Variants in E2F5 observed in about 807,000 individuals in gnomAD.
The protein encoded by E2F5 is transcription factor E2F5.
Under a neutral mutation model 39.1 loss-of-function variants are expected in E2F5, and 23 were observed. The observed-to-expected ratio is 0.59, with a 90% CI of 0.42 to 0.83. The LOEUF (loss-of-function observed/expected upper bound fraction) is 0.83. E2F5 is among the 40% of genes least tolerant of loss of function. The pLI, the probability that E2F5 is intolerant of heterozygous loss-of-function variation, is 0.00. For missense variants in E2F5, 365 were observed against 406.7 expected, an observed-to-expected ratio of 0.90 and a Z score of 0.88; for synonymous variants, 145 against 157.8, an observed-to-expected ratio of 0.92 and a Z score of 0.61.
At chr8:85,202,004 G>C in intron 1 of E2F5, 143 bp from the exon 2 acceptor site, 1 of 662,378 alleles carries the variant, frequency 1.5e-6, no homozygotes, top group South Asian at 1.8e-5. Flanking sequence ...GAGATGCTTT[G>C]AACATGCTCA....
rs1403183910 is a variant in E2F5 at position 85,193,728 on chromosome 8, C to T, written c.235-8419C>T. ...TTCTAGAGTTTCACGTCAGTGAAGT[C>T]GTACCGTAGGTACTCTGTGCTTAGC... On this transcript the variant is annotated intron_variant, in intron 1 of 7. Transcript: ENST00000416274. 5.3e-5 allele frequency among the ~76,000 whole-genome samples: 8 copies of T among 152,120 alleles called. No individual in the cohort carries two copies. The South Asian group carries it at 6.2e-4, about 12-fold the overall frequency.
chr8:85,201,119 G>T (rs1812688954), intron 1 of E2F5, among the ~76,000 whole-genome samples: 3 of 152,144 alleles, frequency 2.0e-5, no homozygotes, highest in African/African-American at 2.4e-5. Context: ...CACCTTCTCT[G>T]GGGGGAAGGC....
chr8:85,202,824 C>T lies in E2F5; in HGVS notation c.345-270C>T, dbSNP rs11988348. Among the ~76,000 whole-genome samples, 827 of 152,204 alleles carry T rather than the reference C, an allele frequency of 5.4e-3. 9 individuals are homozygous for T. Among genetic ancestry groups the T allele is most frequent in the African/African-American group, 0.019 (777 of 41,512 alleles). Reference sequence around the variant, plus strand: ...ACTGCTGAGCACACTCTTTTGGTACCCAGTCACCAACCAGTCTGGCCTTCC... The same window carrying T: ...ACTGCTGAGCACACTCTTTTGGTACTCAGTCACCAACCAGTCTGGCCTTCC... On this transcript the variant is annotated intron_variant, in intron 2 of 7. Transcript: ENST00000416274.
intron 1 of E2F5, among the ~76,000 whole-genome samples, chr8:85,180,061 A>G (rs1316849491): frequency 2.1e-5 from 3 of 146,256 alleles, no homozygotes; most frequent in African/African-American, 2.5e-5. Context: ...TTGCTCTGTC[A>G]CCCAGGCTGG....
rs149014091 is a variant in E2F5 at position 85,188,682 on chromosome 8, C to T, written c.234+11028C>T. Among the ~76,000 whole-genome samples the T allele has an allele frequency of 6.9e-4, 105 of 152,240 alleles. 2 individuals carry two copies. In the East Asian group the frequency reaches 0.02, roughly 28 times the overall value. On this transcript the variant is annotated intron_variant, in intron 1 of 7. Coordinates refer to ENST00000416274, the MANE Select transcript of E2F5 (RefSeq NM_001951.4). ...AGTTTGCCTTGAAAGCCTGAAGCCT[C>T]GGGTTATGTGATCCTGCTTGGCACC...
chr8:85,211,220 T>TA (rs5892938), intron 6 of E2F5, among the ~76,000 whole-genome samples: 1,638 of 112,440 alleles, frequency 0.015, 20 homozygotes, highest in African/African-American at 0.032. Context: ...ACCCTATCTC[T>TA]AAAAAAAAAA....
intron 1 of E2F5, among the ~76,000 whole-genome samples, chr8:85,195,194 C>T (rs1005767289): frequency 4.0e-5 from 6 of 151,874 alleles, no homozygotes; most frequent in African/African-American, 1.4e-4. Context: ...ACCAGCTTGC[C>T]CAACATAGTG....
intron 1 of E2F5, among the ~76,000 whole-genome samples, chr8:85,192,703 A>G (rs1812491347): frequency 1.3e-5 from 2 of 152,262 alleles, no homozygotes; most frequent in Admixed American, 6.5e-5. Context: ...GGAGCAGAGC[A>G]TAATAATAGT....
rs2136035312 is a variant in E2F5, at chr8:85,177,594, C to G, written c.174C>G (p.Leu58=). Residue 58 remains leucine (L), a synonymous_variant, in exon 1 of 8, where the codon CTC becomes CTG. Coordinates refer to ENST00000416274, the MANE Select transcript of E2F5 (RefSeq NM_001951.4). The part of the protein sequence containing the change: ...SSRHEKSLGL[L]TTKFVSLLQE... Reference sequence around the variant, plus strand: ...GGCACGAGAAGAGCCTGGGGCTGCTCACTACCAAGTTCGTGTCGCTGCTGC... The same window carrying G: ...GGCACGAGAAGAGCCTGGGGCTGCTGACTACCAAGTTCGTGTCGCTGCTGC... The G allele has an allele frequency of 7.7e-7, 1 of 1,295,644 alleles. No homozygotes were observed. Among genetic ancestry groups the G allele is most frequent in the African/African-American group, 1.5e-5 (1 of 66,210 alleles). 80.3% of individuals were successfully genotyped at this position (1,295,644 alleles called of 1,614,324 possible).
intron 1 of E2F5, among the ~76,000 whole-genome samples, chr8:85,199,493 C>A (rs1409042122): frequency 6.6e-6 from 1 of 152,084 alleles, no homozygotes; most frequent in Non-Finnish European, 1.5e-5. Context: ...GACCCAGAAC[C>A]AAGCCTGGAA....
intron 4 of E2F5, among the ~76,000 whole-genome samples, chr8:85,206,798 T>A (rs1271944027): frequency 6.6e-6 from 1 of 152,052 alleles, no homozygotes; most frequent in African/African-American, 2.4e-5. Flanking sequence ...ACAAGTAAAA[T>A]GAAATTGTGC....
At chr8:85,195,663 T>A (rs530423172) in intron 1 of E2F5, among the ~76,000 whole-genome samples, 25 of 152,074 alleles carry the variant, frequency 1.6e-4, no homozygotes, top group Non-Finnish European at 2.4e-4. Context: ...CTAATTTTTT[T>A]AATTTTTTTT....
Position 85,202,221 on chromosome 8 carries a change from G to C in E2F5, c.309G>C (p.Leu103Phe). ...DITNVLEGID[L>F]IEKKSKNSIQ... ...CCAATGTCTTAGAGGGAATTGACTTGATTGAAAAAAAGTCAAAAAACAGTA... is the reference window on the plus strand; with the variant it reads ...CCAATGTCTTAGAGGGAATTGACTTCATTGAAAAAAAGTCAAAAAACAGTA... Residue 103 changes from leucine to phenylalanine, a missense_variant, in exon 2 of 8, where the codon TTG (leucine) becomes TTC (phenylalanine). Coordinates refer to ENST00000416274, the MANE Select transcript of E2F5 (RefSeq NM_001951.4). The C allele has an allele frequency of 6.2e-7, 1 of 1,611,310 alleles. No individual in the cohort carries two copies. Among genetic ancestry groups the C allele is most frequent in the Non-Finnish European group, 8.5e-7 (1 of 1,178,926 alleles).
At chr8:85,212,061 C>G (rs1291109932) in intron 6 of E2F5, 96 bp from the exon 7 acceptor site, 3 of 895,092 alleles carry the variant, frequency 3.4e-6, no homozygotes, top group Non-Finnish European at 5.4e-6. Context: ...AATAAATGTG[C>G]ATGTCAGTCA....
At position 85,184,452 on chromosome 8, in the gene E2F5, G is replaced by A. The variant is rs117002288; in HGVS notation, c.234+6798G>A. ...CTGGAAGCATTCCCTTCGAAAACCA[G>A]TATAAGACAAGAATGCCCTCTCTCA... On this transcript the variant is annotated intron_variant, in intron 1 of 7. Coordinates refer to ENST00000416274, the MANE Select transcript of E2F5 (RefSeq NM_001951.4). Among the ~76,000 whole-genome samples, 1,065 of 152,294 alleles carry A rather than the reference G, an allele frequency of 7.0e-3. 5 individuals carry two copies. Among genetic ancestry groups the A allele is most frequent in the Admixed American group, 0.016 (245 of 15,298 alleles).
chr8:85,202,969 T>G, intron 2 of E2F5, 125 bp from the exon 3 acceptor site: 1 of 697,818 alleles, frequency 1.4e-6, no homozygotes, highest in East Asian at 3.6e-5. Flanking sequence ...TAGTGCTTGA[T>G]TTTAAGAGTG....
In E2F5 at chr8:85,203,149, A is replaced by AAGATATT; in HGVS notation, c.401_402insGATATTA (p.Ala135IlefsTer4). Reference sequence around the variant, plus strand: ...AGTCATAGATAGATTAAGATATCTTAAAGCTGAAATTGAAGATCTAGAACT... The same window carrying AAGATATT: ...AGTCATAGATAGATTAAGATATCTTAAGATATTAAGCTGAAATTGAAGATCTAGAACT... On this transcript the variant is annotated frameshift_variant, in exon 3 of 8. Coordinates refer to ENST00000416274, the MANE Select transcript of E2F5 (RefSeq NM_001951.4). LOFTEE classifies it high-confidence loss of function. 5 of 1,602,784 alleles carry AAGATATT rather than the reference A, an allele frequency of 3.1e-6. No individual in the cohort carries two copies. The highest frequency in any genetic ancestry group is 4.3e-6 in the Non-Finnish European group (5 of 1,174,208).
intron 1 of E2F5, among the ~76,000 whole-genome samples, chr8:85,195,268 A>G (rs1812556926): frequency 6.6e-6 from 1 of 152,042 alleles, no homozygotes; most frequent in Non-Finnish European, 1.5e-5. Flanking sequence ...CTGTAGTCCC[A>G]GCTACTCAGG....
chr8:85,189,119 T>C (rs576256554), intron 1 of E2F5, among the ~76,000 whole-genome samples: 1 of 152,302 alleles, frequency 6.6e-6, no homozygotes, highest in African/African-American at 2.4e-5. Context: ...TGTCCTCAAT[T>C]ATGAGTAAGT....
Sources: gnomAD v4.1 joint callset for allele counts (sites outside exome capture counted in the v4.1 genomes callset) on GRCh38, gnomAD v4.1.1 for gene constraint, MANE v1.5 for transcripts, NCBI Gene and HGNC (gene_info 2026-07-23, HGNC 2026-07-21) for gene names.